Variants in KMT2D observed in about 807,000 individuals in gnomAD.
The protein encoded by KMT2D is histone-lysine N-methyltransferase 2D.
In KMT2D, 55 loss-of-function variants were observed where a neutral mutation model predicts 512.7. That is an observed-to-expected ratio of 0.11 (90% CI 0.09 to 0.13). KMT2D has a LOEUF of 0.13. Among genes scored for constraint, KMT2D ranks in the 10% least tolerant of loss-of-function variants. The probability of loss-of-function intolerance (pLI) is 1.00; values close to 1 mark genes in which losing one functional copy is unlikely to be tolerated. For missense variants in KMT2D, 6,061 were observed against 7,127.9 expected (o/e 0.85, Z 5.39); for synonymous variants, 2,995 against 2,904.0 (o/e 1.03, Z -1.01).
Position 49,050,211 on chromosome 12 carries a change from T to C in KMT2D, c.3377A>G (p.Asp1126Gly). ...SGLGEDTAPLDGIDAPGSQPE... is the reference protein window; with the variant it reads ...SGLGEDTAPLGGIDAPGSQPE... ...CTGTGAACCCGGAGCATCAATCCCA[T>C]CCAGAGGGGCTGTGTCTTCCCCTAG... Residue 1126 changes from aspartate to glycine, a missense_variant, in exon 12 of 55, where the codon GAT becomes GGT. Asp to Gly is a moderately conservative substitution (Grantham distance 94). Coordinates refer to ENST00000301067, the MANE Select transcript of KMT2D (RefSeq NM_003482.4). The C allele has an allele frequency of 6.2e-7, 1 of 1,613,630 alleles. No homozygotes were observed. The highest frequency in any genetic ancestry group is 1.1e-5 in the South Asian group (1 of 91,054).
chr12:49,040,707 C>G lies in KMT2D; in HGVS notation c.7063G>C (p.Ala2355Pro), dbSNP rs2120533005. 1 of 1,613,654 alleles carries G rather than the reference C, an allele frequency of 6.2e-7. No homozygotes were observed. Among genetic ancestry groups the G allele is most frequent in the East Asian group, 2.2e-5 (1 of 44,858 alleles). The part of the protein sequence containing the change: ...LGLRPQEPPP[A>P]QALAPSPPSH... The stretch of plus-strand genomic sequence containing the variant: ...GGAGGAGAAGGTGCCAAAGCCTGGG[C>G]AGGGGGTGGCTCCTGGGGCCTTAGG... Residue 2355 changes from alanine (A) to proline (P), a missense_variant, in exon 32 of 55, where the codon GCC (alanine) becomes CCC (proline). Transcript: ENST00000301067.
At position 49,050,771 on chromosome 12, in the gene KMT2D, G is replaced by C. The variant is rs2120656662; in HGVS notation, c.2817C>G (p.Leu939=). The change falls in exon 12 of 55, where the codon CTC becomes CTG. Residue 939 remains leucine, a synonymous_variant. Transcript: ENST00000301067. ...GGGCCGCAGCTGTGATGATGGGTGAGAGTGGAGGAGGAAGGGGATCTGGAA... is the reference window on the plus strand; with the variant it reads ...GGGCCGCAGCTGTGATGATGGGTGACAGTGGAGGAGGAAGGGGATCTGGAA... ...LMPPDPLPPP[L]SPIITAAAPP... 6.2e-7 allele frequency: 1 copy of C among 1,606,224 alleles called. No individual in the cohort carries two copies. Among genetic ancestry groups the C allele is most frequent in the Non-Finnish European group, 8.5e-7 (1 of 1,174,656 alleles).
rs779247029 is a variant in KMT2D at position 49,031,242 on chromosome 12, T to C, written c.13463A>G (p.Asn4488Ser). Residue 4488 changes from asparagine to serine, a missense_variant, in exon 40 of 55, where the codon AAC becomes AGC. Asn to Ser is a conservative substitution (Grantham distance 46). This residue lies in a region of KMT2D where 1,600 missense variants were observed against 1,754.9 expected (regional missense o/e 0.91). Transcript: ENST00000301067. ...RGSEGLRAEI[N>S]GHIDSKLAGL... ...AGCCAGCTTGCTGTCAATGTGCCCG[T>C]TGATCTCAGCTCGCAGCCCCTCGGA... The C allele has an allele frequency of 7.4e-6, 12 of 1,613,086 alleles. No homozygotes were observed. The Admixed American group carries it at 1.7e-4, about 22-fold the overall frequency.
rs1285171106 is a variant in KMT2D at position 49,020,257 on chromosome 12, C to G, written c.*1523G>C. On this transcript the variant is annotated 3_prime_UTR_variant, in exon 55 of 55. Transcript: ENST00000301067. The stretch of plus-strand genomic sequence containing the variant: ...GGTGGGAATTGCCCAGCCTCTATAC[C>G]CCCATCTTACAGCAGTCACAGCCAG... 1 of 175,282 alleles carries G rather than the reference C, an allele frequency of 5.7e-6. No homozygotes were observed. Among genetic ancestry groups the G allele is most frequent in the Non-Finnish European group, 1.2e-5 (1 of 81,226 alleles). 10.9% of individuals were successfully genotyped at this position (175,282 alleles called of 1,614,324 possible). A position where few individuals can be genotyped will look rare whatever the true frequency, so the allele number is the denominator to read the frequency against.
In KMT2D at chr12:49,031,173, A is replaced by G. The variant is rs12424090; in HGVS notation, c.13530+2T>C. 1 of 1,605,860 alleles carries G rather than the reference A, an allele frequency of 6.2e-7. No individual in the cohort carries two copies. The highest frequency in any genetic ancestry group is 8.5e-7 in the Non-Finnish European group (1 of 1,175,366). On this transcript the variant is annotated splice_donor_variant, in intron 40 of 54. Coordinates refer to ENST00000301067, the MANE Select transcript of KMT2D (RefSeq NM_003482.4). LOFTEE classifies it high-confidence loss of function. Reference sequence around the variant, plus strand: ...CTGCTCCACTCTACTCAGAGTACTCACCTCCTTGTTGCTGGGGGTACCCTG... The same window carrying G: ...CTGCTCCACTCTACTCAGAGTACTCGCCTCCTTGTTGCTGGGGGTACCCTG...
rs752115724 is a variant in KMT2D at position 49,040,433 on chromosome 12, G to A, written c.7337C>T (p.Ser2446Phe). 1.3e-6 allele frequency: 2 copies of A among 1,560,692 alleles called. No homozygotes were observed. The highest frequency in any genetic ancestry group is 1.9e-5 in the Admixed American group (1 of 53,598). ...GGGTGGGCGAGAATAAGGGTCAGGGGACTGGAAGCGAGGGGTAACGGGTGA... is the reference window on the plus strand; with the variant it reads ...GGGTGGGCGAGAATAAGGGTCAGGGAACTGGAAGCGAGGGGTAACGGGTGA... ...CPSPVTPRFQ[S>F]PDPYSRPPSR... Residue 2446 changes from serine (S) to phenylalanine (F), a missense_variant, in exon 32 of 55, where the codon TCC becomes TTC. By Grantham distance (155) the Ser-to-Phe change is radical. Coordinates refer to ENST00000301067, the MANE Select transcript of KMT2D (RefSeq NM_003482.4).
rs1055565891 is a variant in KMT2D at position 49,053,157 on chromosome 12, C to T, written c.954+50G>A. ...ACACAACTTGTCAAGACAGAGAATG[C>T]TGTAGCAGACACAGTTAGGGACAAT... On this transcript the variant is annotated intron_variant, in intron 8 of 54. Coordinates refer to ENST00000301067, the MANE Select transcript of KMT2D (RefSeq NM_003482.4). 3 of 1,609,992 alleles carry T rather than the reference C, an allele frequency of 1.9e-6. No individual in the cohort carries two copies. The Admixed American group carries it at 5.0e-5, about 27-fold the overall frequency.
Position 49,031,875 on chromosome 12 carries a change from A to G in KMT2D, c.12830T>C (p.Leu4277Pro). The change falls in exon 40 of 55, where the codon CTA (leucine) becomes CCA (proline). Residue 4277 changes from leucine (L) to proline (P), a missense_variant. Coordinates refer to ENST00000301067, the MANE Select transcript of KMT2D (RefSeq NM_003482.4). Reference protein sequence around the residue: ...PGPQTGPLQELGAGPRPQGPP... With the variant: ...PGPQTGPLQEPGAGPRPQGPP... ...GCCCTGAGGTCGAGGCCCTGCCCCT[A>G]GCTCCTGGAGGGGGCCTGTCTGTGG... The G allele has an allele frequency of 6.5e-7, 1 of 1,533,392 alleles. No homozygotes were observed. The highest frequency in any genetic ancestry group is 8.8e-7 in the Non-Finnish European group (1 of 1,142,198). The allele number at this position is 1,533,392 out of a possible 1,614,324, so 95.0% of individuals were successfully genotyped here.
At position 49,033,662 on chromosome 12, in the gene KMT2D, C is replaced by T. The variant is rs371444130; in HGVS notation, c.11043G>A (p.Gln3681=). ...PFLNTALAQQ[Q]QQQHSGGAGS... ...CAGCCCCACCAGAATGTTGCTGTTG[C>T]TGCTGTTGGGCCAGAGCTGTATTAA... Residue 3681 remains glutamine (Q), a synonymous_variant, in exon 40 of 55, where the codon CAG becomes CAA. Coordinates refer to ENST00000301067, the MANE Select transcript of KMT2D (RefSeq NM_003482.4). 418 of 1,613,626 alleles carry T rather than the reference C, an allele frequency of 2.6e-4. No individual in the cohort carries two copies. The highest frequency in any genetic ancestry group is 3.3e-4 in the Non-Finnish European group (392 of 1,179,880).
Position 49,040,568 on chromosome 12 carries a change from C to T in KMT2D, c.7202G>A (p.Arg2401His), listed in dbSNP as rs375115132. Residue 2401 changes from arginine to histidine, a missense_variant, in exon 32 of 55, where the codon CGC (arginine) becomes CAC (histidine). This residue lies in a region of KMT2D where 710 missense variants were observed against 647.3 expected (regional missense o/e 1.10). Transcript: ENST00000301067. ...GGAGAAAGGGTCGGAGGGCAGTGAG[C>T]GAGGGGGCAGAGCACAGCAGCTCTC... ...PPESCCALPPRSLPSDPFSRV... is the reference protein window; with the variant it reads ...PPESCCALPPHSLPSDPFSRV... 68 of 1,610,962 alleles carry T rather than the reference C, an allele frequency of 4.2e-5. No individual in the cohort carries two copies. Among genetic ancestry groups the T allele is most frequent in the Admixed American group, 1.7e-4 (10 of 59,784 alleles).
At chr12:49,048,231 G>C (rs1251247884) in intron 14 of KMT2D, among the ~76,000 whole-genome samples, 162 bp from the exon 15 acceptor site, 1 of 152,092 alleles carries the variant, frequency 6.6e-6, no homozygotes, top group East Asian at 1.9e-4. Flanking sequence ...CTCCTTCCTA[G>C]GATGCCTTAC....
rs2120387659 is a variant in KMT2D, at chr12:49,028,906, C to A, written c.14304G>T (p.Lys4768Asn). 2 of 1,614,034 alleles carry A rather than the reference C, an allele frequency of 1.2e-6. 1 individual carries two copies. The highest frequency in any genetic ancestry group is 2.2e-5 in the South Asian group (2 of 91,092). The part of the protein sequence containing the change: ...YGALGLEVPG[K>N]LPVTTWEKGK... Reference sequence around the variant, plus strand: ...CCTTTTCCCAAGTTGTGACAGGCAGCTTTCCAGGGACCTCCAGGCCAAGGG... The same window carrying A: ...CCTTTTCCCAAGTTGTGACAGGCAGATTTCCAGGGACCTCCAGGCCAAGGG... The change falls in exon 46 of 55, where the codon AAG (lysine) becomes AAT (asparagine). Residue 4768 changes from lysine (K) to asparagine (N), a missense_variant. Lys to Asn is a moderately conservative substitution (Grantham distance 94). Coordinates refer to ENST00000301067, the MANE Select transcript of KMT2D (RefSeq NM_003482.4).
chr12:49,059,431 C>T (rs1170733718), intron 1 of KMT2D, among the ~76,000 whole-genome samples, 182 bp downstream of exon 1: 1 of 152,176 alleles, frequency 6.6e-6, no homozygotes, highest in Non-Finnish European at 1.5e-5. Flanking sequence ...CCCCAAGACA[C>T]CAGGCCTCAG....
At position 49,030,618 on chromosome 12, in the gene KMT2D, A is replaced by T. The variant is rs1239520880; in HGVS notation, c.13822T>A (p.Ser4608Thr). The change falls in exon 42 of 55, where the codon TCC (serine) becomes ACC (threonine). Residue 4608 changes from serine (S) to threonine (T), a missense_variant. Ser to Thr is a moderately conservative substitution (Grantham distance 58, BLOSUM62 1). Coordinates refer to ENST00000301067, the MANE Select transcript of KMT2D (RefSeq NM_003482.4). Reference protein sequence around the residue: ...GALPTGPDYYSQLLTKNNLSN... With the variant: ...GALPTGPDYYTQLLTKNNLSN... Reference sequence around the variant, plus strand: ...TTTCTGACCTTGGTAAGCAGCTGGGAATAGTAGTCAGGGCCAGTGGGCAGC... The same window carrying T: ...TTTCTGACCTTGGTAAGCAGCTGGGTATAGTAGTCAGGGCCAGTGGGCAGC... 1.3e-6 allele frequency: 2 copies of T among 1,584,514 alleles called. No homozygotes were observed. Among genetic ancestry groups the T allele is most frequent in the Non-Finnish European group, 1.7e-6 (2 of 1,164,546 alleles).
intron 1 of KMT2D, among the ~76,000 whole-genome samples, chr12:49,058,728 A>G (rs567041664): frequency 9.2e-5 from 14 of 152,324 alleles, no homozygotes; most frequent in Non-Finnish European, 1.8e-4. Context: ...ATCCCTGGTC[A>G]AAAAAGGGTT....
chr12:49,020,615 C>A lies in KMT2D; in HGVS notation c.*1165G>T, dbSNP rs569222147. ...CGCTGACACTAAGCTCCCCCACCCC[C>A]ACATCACCACCCCTTCCCACCAGAC... On this transcript the variant is annotated 3_prime_UTR_variant, in exon 55 of 55. Coordinates refer to ENST00000301067, the MANE Select transcript of KMT2D (RefSeq NM_003482.4). 1.5e-5 allele frequency: 3 copies of A among 202,906 alleles called. No individual in the cohort carries two copies. Among genetic ancestry groups the A allele is most frequent in the Non-Finnish European group, 3.0e-5 (3 of 99,024 alleles). 12.6% of individuals were successfully genotyped at this position (202,906 alleles called of 1,614,324 possible).
In KMT2D at chr12:49,043,964, C is replaced by T. The variant is rs1335067753; in HGVS notation, c.5223G>A (p.Val1741=). Residue 1741 remains valine (V), a synonymous_variant, in exon 23 of 55, where the codon GTG becomes GTA. Transcript: ENST00000301067. The part of the protein sequence containing the change: ...IPADLPAEGA[V]EQSLAEGDEK... ...CATCCCCTTCAGCTAAGCTCTGCTCCACGGCGCCCTCTGCAGGCAGGTCAG... is the reference window on the plus strand; with the variant it reads ...CATCCCCTTCAGCTAAGCTCTGCTCTACGGCGCCCTCTGCAGGCAGGTCAG... 5.0e-6 allele frequency: 8 copies of T among 1,614,072 alleles called. No individual in the cohort carries two copies. The Admixed American group carries it at 1.2e-4, about 24-fold the overall frequency.
Position 49,040,751 on chromosome 12 carries a change from G to T in KMT2D, c.7019C>A (p.Pro2340His), listed in dbSNP as rs2120533995. The part of the protein sequence containing the change: ...PLTPRASQVE[P>H]QSPGLGLRPQ... ...CCTTAGGCCCAAGCCCGGGCTCTGG[G>T]GCTCTACCTGAGATGCCCGAGGGGT... The change falls in exon 32 of 55, where the codon CCC becomes CAC. Residue 2340 changes from proline to histidine, a missense_variant. Around this residue, in one of 16 missense-constraint regions of KMT2D, gnomAD observed 710 missense variants for 647.3 expected, o/e 1.10. Transcript: ENST00000301067. The T allele has an allele frequency of 2.5e-6, 4 of 1,613,506 alleles. No individual in the cohort carries two copies. Among genetic ancestry groups the T allele is most frequent in the Non-Finnish European group, 3.4e-6 (4 of 1,179,698 alleles).
At position 49,042,235 on chromosome 12, in the gene KMT2D, G is replaced by A. The variant is rs1943571195; in HGVS notation, c.5963C>T (p.Thr1988Ile). Reference protein sequence around the residue: ...GTTPSTPTTPTTEGEGDGLSY... With the variant: ...GTTPSTPTTPITEGEGDGLSY... ...GAGTCCGTCGCCCTCACCCTCCGTGGTGGGGGTTGTGGGGGTGGAGGGCGT... is the reference window on the plus strand; with the variant it reads ...GAGTCCGTCGCCCTCACCCTCCGTGATGGGGGTTGTGGGGGTGGAGGGCGT... Residue 1988 changes from threonine to isoleucine, a missense_variant, in exon 29 of 55, where the codon ACC becomes ATC. By Grantham distance (89) the Thr-to-Ile change is moderately conservative. Transcript: ENST00000301067. This position sits in a 1 kb window ranked among gnomAD's most constrained non-coding sequence, Gnocchi z 4.4. 1.3e-6 allele frequency: 2 copies of A among 1,589,690 alleles called. No individual in the cohort carries two copies. Among genetic ancestry groups the A allele is most frequent in the Non-Finnish European group, 1.7e-6 (2 of 1,168,310 alleles).
Sources: allele counts gnomAD v4.1 joint callset (sites outside exome capture counted in the v4.1 genomes callset), GRCh38; gene constraint gnomAD v4.1.1; regional missense constraint gnomAD v4.1.1; non-coding constraint Gnocchi (gnomAD v3.1); transcripts MANE v1.5; gene names NCBI Gene and HGNC (gene_info 2026-07-23, HGNC 2026-07-21).